LHFPL6: variants seen among roughly 807,000 people sequenced by gnomAD.
The protein encoded by LHFPL6 is LHFPL tetraspan subfamily member 6 protein.
LHFPL6 carries 9 observed loss-of-function variants against 20.6 expected under a neutral mutation model. The observed-to-expected ratio is 0.44, with a 90% CI of 0.26 to 0.76. LHFPL6 has a LOEUF of 0.76. Ranked by LOEUF, LHFPL6 falls within the 30% of genes least tolerant of loss-of-function variation. LHFPL6 has a pLI of 0.20. For synonymous variants in LHFPL6, 105 were observed against 98.7 expected, an observed-to-expected ratio of 1.06 and a Z score of -0.38; for missense variants, 218 against 253.5, an observed-to-expected ratio of 0.86 and a Z score of 0.95.
At chr13:39,384,380 G>C (rs1870513114) in intron 2 of LHFPL6, among the ~76,000 whole-genome samples, 1 of 152,124 alleles carries the variant, frequency 6.6e-6, no homozygotes, top group Non-Finnish European at 1.5e-5. Flanking sequence ...TTGTCTTCTG[G>C]GGGAGGACTG....
intron 2 of LHFPL6, among the ~76,000 whole-genome samples, chr13:39,399,004 G>A (rs560300517): frequency 7.2e-5 from 11 of 152,292 alleles, no homozygotes; most frequent in South Asian, 2.1e-4. Context: ...AGCAGAGTAC[G>A]TTTCATAATC....
At chr13:39,541,139 G>A (rs1172730404) in intron 2 of LHFPL6, among the ~76,000 whole-genome samples, 1 of 152,140 alleles carries the variant, frequency 6.6e-6, no homozygotes, top group Non-Finnish European at 1.5e-5. Flanking sequence ...GGGAACATAA[G>A]CCACCTCTGG....
Position 39,562,587 on chromosome 13 carries a change from T to TATACAC in LHFPL6, c.385+38244_385+38245insGTGTAT, listed in dbSNP as rs1329860567. On this transcript the variant is annotated intron_variant, in intron 2 of 3. Coordinates refer to ENST00000379589, the MANE Select transcript of LHFPL6 (RefSeq NM_005780.3). ...ATATACACATACATATATACACATA[T>TATACAC]ATACATATATACACATATACATATA... is the stretch of plus-strand genomic sequence containing the variant. Among the ~76,000 whole-genome samples the TATACAC allele has an allele frequency of 2.7e-4, 28 of 102,460 alleles. 1 individual carries two copies. The highest frequency in any genetic ancestry group is 8.4e-4 in the African/African-American group (23 of 27,360). 67.2% of individuals were successfully genotyped at this position (102,460 alleles called of 152,430 possible).
intron 2 of LHFPL6, among the ~76,000 whole-genome samples, chr13:39,387,419 C>T (rs1256832292): frequency 1.3e-5 from 2 of 151,762 alleles, no homozygotes; most frequent in Non-Finnish European, 1.5e-5. Flanking sequence ...TGGTGGTGCA[C>T]ACCTGTAATC....
chr13:39,513,292 G>T (rs1869788393), intron 2 of LHFPL6, among the ~76,000 whole-genome samples: 1 of 152,170 alleles, frequency 6.6e-6, no homozygotes, highest in East Asian at 1.9e-4. Context: ...AATTACATGG[G>T]ATTCTGACCT....
chr13:39,448,965 A>G (rs1241381232), intron 2 of LHFPL6, among the ~76,000 whole-genome samples: 2 of 152,250 alleles, frequency 1.3e-5, no homozygotes, highest in African/African-American at 4.8e-5. Flanking sequence ...AAGTCATCTG[A>G]TCTGGGGAGC....
chr13:39,363,630 T>A (rs1869935868), intron 3 of LHFPL6, among the ~76,000 whole-genome samples: 1 of 152,176 alleles, frequency 6.6e-6, no homozygotes, highest in Non-Finnish European at 1.5e-5. Flanking sequence ...GACAGGGCTT[T>A]CCCATGTCTC....
intron 2 of LHFPL6, among the ~76,000 whole-genome samples, chr13:39,599,989 T>C (rs1223839102): frequency 6.6e-6 from 1 of 152,212 alleles, no homozygotes; most frequent in Non-Finnish European, 1.5e-5. Context: ...CAGGGTGGAC[T>C]GTAAATCAGA....
At chr13:39,576,150 G>C (rs1421241745) in intron 2 of LHFPL6, among the ~76,000 whole-genome samples, 2 of 152,180 alleles carry the variant, frequency 1.3e-5, no homozygotes, top group African/African-American at 4.8e-5. Flanking sequence ...GTCTCCAAAA[G>C]TAGAGGAAAT....
chr13:39,376,976 T>C (rs1290045345), intron 3 of LHFPL6, among the ~76,000 whole-genome samples: 1 of 152,118 alleles, frequency 6.6e-6, no homozygotes, highest in Non-Finnish European at 1.5e-5. Flanking sequence ...AAGCAGATCA[T>C]AAAACCTAGA....
At chr13:39,365,075 C>T (rs923909928) in intron 3 of LHFPL6, among the ~76,000 whole-genome samples, 1 of 152,132 alleles carries the variant, frequency 6.6e-6, no homozygotes, top group Non-Finnish European at 1.5e-5. Context: ...TAAAGATTAT[C>T]CTTCAGTTTC....
chr13:39,344,061 A>G lies in LHFPL6; in HGVS notation c.485-7T>C. The G allele has an allele frequency of 6.2e-7, 1 of 1,601,816 alleles. No individual in the cohort carries two copies. Among genetic ancestry groups the G allele is most frequent in the Non-Finnish European group, 8.5e-7 (1 of 1,170,570 alleles). ...CAGCCGATTTCACACTTCCCTAAGG[A>G]CAAAGGAAGGGGAAAGAAGAAAGTC... On this transcript the variant is annotated splice_polypyrimidine_tract_variant and splice_region_variant and intron_variant, in intron 3 of 3. Coordinates refer to ENST00000379589, the MANE Select transcript of LHFPL6 (RefSeq NM_005780.3).
chr13:39,422,288 G>T (rs1005542231), intron 2 of LHFPL6, among the ~76,000 whole-genome samples: 10 of 152,090 alleles, frequency 6.6e-5, no homozygotes, highest in African/African-American at 2.4e-4. Context: ...TAATTATGCT[G>T]GTGCAGTTAA....
intron 3 of LHFPL6, among the ~76,000 whole-genome samples, chr13:39,377,247 A>G (rs1205980586): frequency 6.6e-6 from 1 of 152,194 alleles, no homozygotes; most frequent in African/African-American, 2.4e-5. Flanking sequence ...TGCCTCTCCA[A>G]GTCTTCATTT....
chr13:39,447,912 C>T (rs775230392), intron 2 of LHFPL6, among the ~76,000 whole-genome samples: 1 of 152,174 alleles, frequency 6.6e-6, no homozygotes, highest in Non-Finnish European at 1.5e-5. Flanking sequence ...GATGTTCTTC[C>T]ATTCCTCTTT....
intron 2 of LHFPL6, among the ~76,000 whole-genome samples, chr13:39,440,377 T>G (rs532958940): frequency 8.1e-4 from 124 of 152,258 alleles, no homozygotes; most frequent in African/African-American, 2.8e-3. Flanking sequence ...GCCAGTAATT[T>G]AAGCCCTCTG....
chr13:39,354,846 GA>G (rs1156473770), intron 3 of LHFPL6, among the ~76,000 whole-genome samples: 1 of 151,452 alleles, frequency 6.6e-6, no homozygotes, highest in Non-Finnish European at 1.5e-5. Context: ...ACTCATTCAG[GA>G]AAAAATAAAG....
intron 2 of LHFPL6, among the ~76,000 whole-genome samples, chr13:39,483,907 C>A (rs1176177291): frequency 1.3e-5 from 2 of 152,166 alleles, no homozygotes; most frequent in Non-Finnish European, 2.9e-5. Flanking sequence ...TAAAACCTGG[C>A]ATTCCATAAG....
At chr13:39,516,871 G>A (rs1374867630) in intron 2 of LHFPL6, among the ~76,000 whole-genome samples, 2 of 152,182 alleles carry the variant, frequency 1.3e-5, no homozygotes, top group Non-Finnish European at 2.9e-5. Context: ...GGAGGGAGTC[G>A]TACCAATGCA....
Sources: allele counts gnomAD v4.1 joint callset (sites outside exome capture counted in the v4.1 genomes callset), GRCh38; gene constraint gnomAD v4.1.1; transcripts MANE v1.5; gene names NCBI Gene and HGNC (gene_info 2026-07-23, HGNC 2026-07-21).